Variants in ZNF385C observed in about 807,000 individuals in gnomAD.
The protein encoded by ZNF385C is CTD-2132N18.2.
In ZNF385C, 28 loss-of-function variants were observed where a neutral mutation model predicts 35.4. That is an observed-to-expected ratio of 0.79 (90% confidence interval 0.59 to 1.08). ZNF385C has a LOEUF of 1.08. ZNF385C is among the 50% of genes least tolerant of loss of function. ZNF385C has a pLI of 0.00. For missense variants in ZNF385C, 605 were observed against 595.6 expected (o/e 1.02, Z -0.16); for synonymous variants, 248 against 248.2 (o/e 1.00, Z 0.01).
chr17:42,055,805 C>T (rs1391622008), intron 2 of ZNF385C, among the ~76,000 whole-genome samples: 1 of 152,112 alleles, frequency 6.6e-6, no homozygotes, highest in East Asian at 1.9e-4. Flanking sequence ...GCCCAGGATG[C>T]AGCCAGAGGC....
intron 1 of ZNF385C, among the ~76,000 whole-genome samples, chr17:42,089,547 A>G (rs1202251954): frequency 6.6e-6 from 1 of 152,156 alleles, no homozygotes; most frequent in Admixed American, 6.6e-5. Flanking sequence ...TAAAAATATT[A>G]CGGGTAGAAG....
rs782812768 is a variant in ZNF385C at position 42,095,126 on chromosome 17, G to A, written c.-3+3284C>T. Among the ~76,000 whole-genome samples the A allele has an allele frequency of 4.6e-4, 70 of 151,954 alleles. No homozygotes were observed. Among genetic ancestry groups the A allele is most frequent in the Non-Finnish European group, 7.5e-4 (51 of 67,978 alleles). ...GATCCAGTTCCATTAAGAGCCTCACGATGCTAATGAGGCCAACGTGGCAGG... is the reference window on the plus strand; with the variant it reads ...GATCCAGTTCCATTAAGAGCCTCACAATGCTAATGAGGCCAACGTGGCAGG... On this transcript the variant is annotated intron_variant, in intron 1 of 8. Coordinates refer to ENST00000692273, the MANE Select transcript of ZNF385C (RefSeq NM_001392013.1). This position sits in a 1 kb window ranked among gnomAD's most constrained non-coding sequence, Gnocchi z 4.4.
chr17:42,051,426 G>C (rs1179900847), intron 2 of ZNF385C, among the ~76,000 whole-genome samples: 5 of 151,904 alleles, frequency 3.3e-5, no homozygotes, highest in African/African-American at 1.2e-4. Flanking sequence ...TGCAGACGTG[G>C]AGGTGTGGAG....
intron 1 of ZNF385C, among the ~76,000 whole-genome samples, chr17:42,097,614 T>C (rs1247154067): frequency 5.9e-5 from 9 of 152,106 alleles, no homozygotes; most frequent in Non-Finnish European, 1.0e-4. Context: ...CTGCCTCTCC[T>C]TAGTGGCTCA....
chr17:42,067,081 AAG>A (rs1555658498), intron 1 of ZNF385C, among the ~76,000 whole-genome samples: 2 of 151,656 alleles, frequency 1.3e-5, no homozygotes, highest in African/African-American at 2.4e-5. Flanking sequence ...AAAAAAAAAA[AAG>A]AGAGAGAGAC....
At chr17:42,047,133 G>A (rs578105768) in intron 2 of ZNF385C, among the ~76,000 whole-genome samples, 88 of 151,448 alleles carry the variant, frequency 5.8e-4, no homozygotes, top group Admixed American at 4.3e-3. Flanking sequence ...CCGGGTTCAC[G>A]CCATTCTCCT....
At chr17:42,036,735 A>G (rs781841077) in intron 3 of ZNF385C, among the ~76,000 whole-genome samples, 2 of 152,006 alleles carry the variant, frequency 1.3e-5, no homozygotes, top group African/African-American at 2.4e-5. Flanking sequence ...TGCAATTGGA[A>G]CCATGCCATT....
rs114926460 is a variant in ZNF385C, at chr17:42,087,108, G to A, written c.-3+11302C>T. On this transcript the variant is annotated intron_variant, in intron 1 of 8. Transcript: ENST00000692273. ...AAGGTGCTGGGATTACAGGCGTGAGGCCTGTATACTTAAGCCTTAATACTA... is the reference window on the plus strand; with the variant it reads ...AAGGTGCTGGGATTACAGGCGTGAGACCTGTATACTTAAGCCTTAATACTA... 9.4e-4 allele frequency among the ~76,000 whole-genome samples: 143 copies of A among 152,206 alleles called. 1 individual carries two copies. Among genetic ancestry groups the A allele is most frequent in the African/African-American group, 3.3e-3 (137 of 41,532 alleles).
intron 1 of ZNF385C, chr17:42,065,122 G>A (rs1598197882): frequency 1.3e-5 from 2 of 152,206 alleles, no homozygotes; most frequent in Admixed American, 1.3e-4. Flanking sequence ...AAAGCGCTGG[G>A]ATTTCAGGTG....
At chr17:42,064,856 C>T (rs535501313) in intron 1 of ZNF385C, among the ~76,000 whole-genome samples, 11 of 152,156 alleles carry the variant, frequency 7.2e-5, no homozygotes, top group Admixed American at 7.2e-4. Flanking sequence ...TGAGCCACTG[C>T]ACCCAGTGGG....
chr17:42,080,326 A>G (rs2053734890), intron 1 of ZNF385C, among the ~76,000 whole-genome samples: 1 of 152,036 alleles, frequency 6.6e-6, no homozygotes, highest in Non-Finnish European at 1.5e-5. Flanking sequence ...AAAGGCCCTG[A>G]CTACCAGCCA....
At chr17:42,066,367 G>C (rs1319718237) in intron 1 of ZNF385C, among the ~76,000 whole-genome samples, 2 of 152,092 alleles carry the variant, frequency 1.3e-5, no homozygotes, top group African/African-American at 4.8e-5. Context: ...CCAATCAGCT[G>C]TTATTAACAC....
chr17:42,085,771 G>A (rs1441733469), intron 1 of ZNF385C, among the ~76,000 whole-genome samples: 1 of 151,836 alleles, frequency 6.6e-6, no homozygotes, highest in Non-Finnish European at 1.5e-5. Context: ...CTAATTTTTT[G>A]TGTTTTTAGT....
At chr17:42,076,255 C>T (rs78743534) in intron 1 of ZNF385C, among the ~76,000 whole-genome samples, 3,896 of 152,288 alleles carry the variant, frequency 0.026, 146 homozygotes, top group East Asian at 0.13. Context: ...CCTTCCCATG[C>T]CCTTTCCCAC....
chr17:42,050,110 T>TG lies in ZNF385C; in HGVS notation c.251-12226dup, dbSNP rs1404992021. 6.6e-6 allele frequency among the ~76,000 whole-genome samples: 1 copy of TG among 152,206 alleles called. No individual in the cohort carries two copies. Among genetic ancestry groups the TG allele is most frequent in the Non-Finnish European group, 1.5e-5 (1 of 68,030 alleles). ...CCAAGGCTGACCAGGAGGGCACACT[T>TG]GCTGCAGACACAGGTCTCCTCTCAT... On this transcript the variant is annotated intron_variant, in intron 2 of 8. Transcript: ENST00000692273. The surrounding 1 kb of genome is among the most constrained non-coding windows in gnomAD (Gnocchi z 5.6).
chr17:42,027,952 G>A, intron 7 of ZNF385C, 98 bp downstream of exon 7: 2 of 1,465,248 alleles, frequency 1.4e-6, no homozygotes, highest in Non-Finnish European at 9.4e-7. Context: ...CTGCTCTGCT[G>A]TGCCCTGCCT....
chr17:42,037,849 G>T lies in ZNF385C; in HGVS notation c.287C>A (p.Ala96Asp). 1 of 1,517,958 alleles carries T rather than the reference G, an allele frequency of 6.6e-7. No homozygotes were observed. Among genetic ancestry groups the T allele is most frequent in the Non-Finnish European group, 8.8e-7 (1 of 1,131,116 alleles). 94.0% of individuals were successfully genotyped at this position (1,517,958 alleles called of 1,614,324 possible). The stretch of plus-strand genomic sequence containing the variant: ...AGGCCGGGTGGGCAGGGGCAGGGAG[G>T]CCAGCAGGGGGCTGGGGGCGCCGGA... ...PASGAPSPLLASLPLPTRPLQ... is the reference protein window; with the variant it reads ...PASGAPSPLLDSLPLPTRPLQ... The change falls in exon 3 of 9, where the codon GCC becomes GAC. Residue 96 changes from alanine (A) to aspartate (D), a missense_variant. Ala to Asp is a moderately radical substitution (Grantham distance 126). Transcript: ENST00000692273.
chr17:42,063,148 G>C (rs1230777946), intron 1 of ZNF385C, 90 bp from the exon 2 acceptor site: 2 of 549,392 alleles, frequency 3.6e-6, no homozygotes, highest in Non-Finnish European at 6.5e-6. Context: ...GAGACACGGG[G>C]CTCTGTATCC....
At chr17:42,028,760 C>G (rs1249614894) in intron 6 of ZNF385C, 23 bp downstream of exon 6, 1 of 1,537,654 alleles carries the variant, frequency 6.5e-7, no homozygotes, top group East Asian at 2.5e-5. Flanking sequence ...TTTCCCTGGG[C>G]TCCAGCTCCT....
Sources: gnomAD v4.1 joint callset for allele counts (sites outside exome capture counted in the v4.1 genomes callset) on GRCh38, gnomAD v4.1.1 for gene constraint, Gnocchi (gnomAD v3.1) non-coding constraint, MANE v1.5 for transcripts, NCBI Gene and HGNC (gene_info 2026-07-23, HGNC 2026-07-21) for gene names.